The following XKRX variants were observed in gnomAD, a reference collection of about 807,000 sequenced individuals.
XKRX encodes XK related X-linked.
In XKRX, 11 loss-of-function variants were observed where a neutral mutation model predicts 22.4. The observed-to-expected ratio is 0.49, with a 90% CI of 0.31 to 0.81. The LOEUF (loss-of-function observed/expected upper bound fraction) is 0.81. XKRX is among the 40% of genes least tolerant of loss of function. The pLI is 0.05. For synonymous variants in XKRX, 114 were observed against 132.2 expected (o/e 0.86, Z 0.94); for missense variants, 320 against 336.5 (o/e 0.95, Z 0.38).
the XKRX span, among the ~76,000 whole-genome samples, chrX:100,898,361 C>T: frequency 2.4e-3 from 258 of 109,332 alleles, no homozygotes; most frequent in African/African-American, 7.9e-3. Context: ...TCTGGTGACT[C>T]CCTGAAGGAA....
At chrX:100,903,232 A>T in the XKRX span, among the ~76,000 whole-genome samples, 1 of 111,759 alleles carries the variant, frequency 8.9e-6, no homozygotes, top group African/African-American at 3.2e-5. Flanking sequence ...AGTCCTAGAT[A>T]ATGCAATAAA....
At chrX:100,940,509 G>A in the XKRX span, among the ~76,000 whole-genome samples, 1 of 111,469 alleles carries the variant, frequency 9.0e-6, no homozygotes, top group African/African-American at 3.3e-5. Context: ...CACCTAACTG[G>A]TTTCCTTACT....
intron 2 of XKRX, among the ~76,000 whole-genome samples, chrX:100,917,714 G>GAAATAAAT (rs1163362148): frequency 2.9e-5 from 3 of 105,021 alleles, no homozygotes; most frequent in Non-Finnish European, 4.0e-5. Context: ...AAGAAAGAAA[G>GAAATAAAT]AAAGAAAGAA....
chrX:100,927,968 A>T lies in XKRX; in HGVS notation c.335+2T>A, dbSNP rs776786187. 8.5e-7 allele frequency: 1 copy of T among 1,178,527 alleles called. No homozygotes were observed. Among genetic ancestry groups the T allele is most frequent in the East Asian group, 3.0e-5 (1 of 33,519 alleles). ...TAAGGAAAAGATTTAAAAGTTGCTC[A>T]CCTGATAACAGGTCCCAAGAGGATT... On this transcript the variant is annotated splice_donor_variant, in intron 1 of 2. Transcript: ENST00000372956. LOFTEE classifies it high-confidence loss of function.
chrX:100,943,278 C>A, the XKRX span, among the ~76,000 whole-genome samples: 2 of 112,283 alleles, frequency 1.8e-5, no homozygotes, highest in African/African-American at 6.5e-5. Context: ...TAACCTATAA[C>A]ATAATAGGAT....
chrX:100,915,265 C>T (rs1168664396), intron 2 of XKRX, among the ~76,000 whole-genome samples, 182 bp from the exon 3 acceptor site: 7 of 110,960 alleles, frequency 6.3e-5, no homozygotes, highest in Non-Finnish European at 3.8e-5. Flanking sequence ...AGACTTTCTC[C>T]GAAGGCGGTA....
downstream of XKRX, among the ~76,000 whole-genome samples, chrX:100,909,902 C>CAA (rs5903174): frequency 1.2e-4 from 4 of 34,546 alleles, no homozygotes; most frequent in African/African-American, 1.7e-4. Flanking sequence ...GACTCCATCT[C>CAA]AAAAAAAAAA....
chrX:100,952,641 CA>C, the XKRX span, among the ~76,000 whole-genome samples: 1 of 111,180 alleles, frequency 9.0e-6, no homozygotes, highest in South Asian at 3.8e-4. Context: ...AAAAACAAAA[CA>C]AAACAAAAAA....
the XKRX span, among the ~76,000 whole-genome samples, chrX:100,899,426 G>C: frequency 3.5e-4 from 39 of 112,135 alleles, no homozygotes; most frequent in Non-Finnish European, 1.9e-5. Context: ...GAGGGGGGAG[G>C]ATCACTGGCG....
chrX:100,925,143 T>C, intron 1 of XKRX, among the ~76,000 whole-genome samples: 1 of 112,576 alleles, frequency 8.9e-6, no homozygotes, highest in Middle Eastern at 4.6e-3. Flanking sequence ...TATTGCTAAA[T>C]TGGAGAACAG....
At chrX:100,932,169 C>A (rs975278350), upstream of XKRX, among the ~76,000 whole-genome samples, 1 of 111,399 alleles carries the variant, frequency 9.0e-6, no homozygotes, top group African/African-American at 3.3e-5. Flanking sequence ...ATCCTCTGGT[C>A]TCTTATTTCC....
the XKRX span, among the ~76,000 whole-genome samples, chrX:100,889,377 GT>G: frequency 9.1e-6 from 1 of 109,572 alleles, no homozygotes; most frequent in African/African-American, 3.3e-5. Context: ...AAGGGGGCAA[GT>G]TTTTTTTACT....
chrX:100,890,426 C>T, the XKRX span, among the ~76,000 whole-genome samples: 1 of 108,854 alleles, frequency 9.2e-6, no homozygotes, highest in Admixed American at 9.8e-5. Flanking sequence ...AAAGTAATTG[C>T]GGTTTTTGCC....
chrX:100,930,131 A>T (rs1192635143), upstream of XKRX, among the ~76,000 whole-genome samples: 1 of 108,615 alleles, frequency 9.2e-6, no homozygotes, highest in Non-Finnish European at 1.9e-5. Context: ...TCTACTAAAA[A>T]TACAAAAATC....
Position 100,914,126 on chromosome X carries a change from C to T in XKRX, c.*212G>A. 2.2e-6 allele frequency: 1 copy of T among 452,111 alleles called. No individual in the cohort carries two copies. The highest frequency in any genetic ancestry group is 3.8e-6 in the Non-Finnish European group (1 of 263,050). 37.3% of individuals were successfully genotyped at this position (452,111 alleles called of 1,213,427 possible). A position where few individuals can be genotyped will look rare whatever the true frequency, so the allele number is the denominator to read the frequency against. On this transcript the variant is annotated 3_prime_UTR_variant, in exon 3 of 3. Transcript: ENST00000372956. ...TGAATGGTATTTCTGACCCTTTCAA[C>T]TATATAGTCGATACCCCCTGTTTCC...
At chrX:100,912,229 C>T (rs1334690258), downstream of XKRX, among the ~76,000 whole-genome samples, 1 of 111,407 alleles carries the variant, frequency 9.0e-6, no homozygotes, top group African/African-American at 3.3e-5. Context: ...TTTCAAGCCT[C>T]ACCTTGAATA....
At chrX:100,957,401 G>A in the XKRX span, 1 of 1,207,100 alleles carries the variant, frequency 8.3e-7, no homozygotes. Context: ...TGACCCCCGA[G>A]CAGTACCGCA....
downstream of XKRX, among the ~76,000 whole-genome samples, chrX:100,909,087 A>T (rs1039102831): frequency 8.9e-6 from 1 of 112,047 alleles, no homozygotes; most frequent in Non-Finnish European, 1.9e-5. Flanking sequence ...TACAACCCTT[A>T]GCAGGAACTG....
chrX:100,899,419 G>A, the XKRX span, among the ~76,000 whole-genome samples: 2 of 112,215 alleles, frequency 1.8e-5, no homozygotes, highest in African/African-American at 6.5e-5. Context: ...AGAGGTTGAG[G>A]GGGGAGGATC....
Sources: gnomAD v4.1 joint callset for allele counts (sites outside exome capture counted in the v4.1 genomes callset) on GRCh38, gnomAD v4.1.1 for gene constraint, MANE v1.5 for transcripts, NCBI Gene and HGNC (gene_info 2026-07-23, HGNC 2026-07-21) for gene names.